Variants in GREP1 observed in about 807,000 individuals in gnomAD.
The protein encoded by GREP1 is glycine rich extracellular protein 1.
chr16:3,000,032 G>A (rs1302317959), intron 28 of GREP1, 54 bp from the exon 26 acceptor site: 3 of 398,938 alleles, frequency 7.5e-6, no homozygotes, highest in Middle Eastern at 6.2e-4. Flanking sequence ...GGGGAGGCCA[G>A]GGCTGTGGCT....
At chr16:2,988,609 T>C in exon 2 of GREP1, 1 of 399,236 alleles carries the variant, frequency 2.5e-6, no homozygotes, top group Non-Finnish European at 4.4e-6. Context: ...TTCTGCCTCC[T>C]GGCCTGGGGA....
intron 31 of GREP1, 171 bp from the exon 27 acceptor site, chr16:3,000,543 G>C (rs551866075): frequency 2.5e-6 from 1 of 398,988 alleles, no homozygotes; most frequent in Non-Finnish European, 4.4e-6. Context: ...AATGACCAGA[G>C]TCTCTTGGAG....
At chr16:2,998,719 C>G (rs976810991) in intron 25 of GREP1, 129 bp from the exon 24 acceptor site, 2 of 398,330 alleles carry the variant, frequency 5.0e-6, no homozygotes, top group African/African-American at 4.1e-5. Flanking sequence ...CTAATGTCCC[C>G]CTAAGGTGCT....
intron 31 of GREP1, chr16:3,000,500 G>A (rs749170072): frequency 5.0e-6 from 2 of 399,178 alleles, no homozygotes; most frequent in African/African-American, 2.1e-5. Flanking sequence ...GTGCAGTGGA[G>A]TGGGGGAGAC....
chr16:2,999,767 G>C (rs28460090), intron 27 of GREP1, 135 bp from the exon 25 acceptor site: 4 of 397,584 alleles, frequency 1.0e-5, no homozygotes, highest in Non-Finnish European at 1.3e-5. Context: ...CTGCTCTCCA[G>C]ATTTCTTCTG....
At chr16:2,997,924 C>A (rs922641982) in intron 23 of GREP1, 89 bp downstream of exon 21, 2 of 398,372 alleles carry the variant, frequency 5.0e-6, no homozygotes, top group Admixed American at 8.8e-5. Context: ...CCCTGTCTCC[C>A]CATGGTGCAA....
intron 22 of GREP1, 114 bp from the exon 21 acceptor site, chr16:2,997,689 G>A: frequency 2.5e-6 from 1 of 398,390 alleles, no homozygotes. Context: ...CACTGGTCAT[G>A]GACCAGGAAG....
intron 29 of GREP1, 133 bp downstream of exon 26, chr16:3,000,251 A>G: frequency 2.5e-6 from 1 of 399,344 alleles, no homozygotes; most frequent in Non-Finnish European, 4.4e-6. Flanking sequence ...TCCCTGTTCC[A>G]CTAGCCTGTC....
chr16:2,993,230 TCA>T (rs2072407701), intron 10 of GREP1: 3 of 299,274 alleles, frequency 1.0e-5, no homozygotes, highest in Non-Finnish European at 1.8e-5. Context: ...ATGGGTGGAC[TCA>T]CAGGAAGTCC....
At chr16:2,995,854 C>T in intron 17 of GREP1, 83 bp downstream of exon 17, 1 of 398,564 alleles carries the variant, frequency 2.5e-6, no homozygotes, top group Non-Finnish European at 4.4e-6. Flanking sequence ...CCTCCCTCTC[C>T]AGGATATGGG....
exon 35 of GREP1, chr16:3,001,864 G>A (rs1163255818): frequency 5.3e-6 from 2 of 379,080 alleles, no homozygotes; most frequent in Admixed American, 4.5e-5. Context: ...AAACAGACTC[G>A]ATCAACGCCT....
At chr16:2,994,377 C>T (rs1169320447) in intron 10 of GREP1, 1 of 192,856 alleles carries the variant, frequency 5.2e-6, no homozygotes, top group Non-Finnish European at 1.0e-5. Flanking sequence ...GGCGTGGTGG[C>T]GGGCACCTGT....
chr16:3,001,185 G>A (rs1460851851), intron 33 of GREP1, 96 bp from the exon 28 acceptor site: 7 of 399,126 alleles, frequency 1.8e-5, no homozygotes, highest in East Asian at 7.1e-5. Flanking sequence ...TGGGCCCTCC[G>A]GGGAGGGGGT....
chr16:2,998,816 T>C (rs908995950), intron 25 of GREP1, 32 bp from the exon 24 acceptor site: 1 of 399,016 alleles, frequency 2.5e-6, no homozygotes, highest in East Asian at 3.6e-5. Context: ...GCCTGGAGCA[T>C]AGCCCCACCC....
chr16:2,997,372 C>T, intron 21 of GREP1: 1 of 398,692 alleles, frequency 2.5e-6, no homozygotes, highest in African/African-American at 2.1e-5. Context: ...CCCCTGCTCA[C>T]CCCTCCCTCC....
exon 34 of GREP1, chr16:3,001,315 G>A: frequency 2.5e-6 from 1 of 399,202 alleles, no homozygotes; most frequent in Non-Finnish European, 4.4e-6. Context: ...GCAATGGCCA[G>A]CTGGGGAATG....
In GREP1 at chr16:2,991,207, A is replaced by G; in HGVS notation, c.322+106A>G. Reference sequence around the variant, plus strand: ...GCTGGGAGAGCTGGGCTCTGGAGGGAGGGCAGGGCTCAGCCACTCTGTCCC... The same window carrying G: ...GCTGGGAGAGCTGGGCTCTGGAGGGGGGGCAGGGCTCAGCCACTCTGTCCC... On this transcript the variant is annotated intron_variant, in intron 8 of 34. Coordinates refer to ENST00000573315, the Ensembl canonical transcript of GREP1. The surrounding 1 kb of genome is among the most constrained non-coding windows in gnomAD (Gnocchi z 4.9). 2.5e-6 allele frequency: 1 copy of G among 398,094 alleles called. No individual in the cohort carries two copies. The highest frequency in any genetic ancestry group is 4.4e-6 in the Non-Finnish European group (1 of 225,736). The allele number at this position is 398,094 out of a possible 1,614,324, so 24.7% of individuals were successfully genotyped here.
At position 2,989,638 on chromosome 16, in the gene GREP1, G is replaced by T; in HGVS notation, c.130+86G>T. On this transcript the variant is annotated intron_variant, in intron 3 of 34. Coordinates refer to ENST00000573315, the Ensembl canonical transcript of GREP1. The surrounding 1 kb of genome is among the most constrained non-coding windows in gnomAD (Gnocchi z 4.2). ...AGGACAGGAACAGGGAAAGCTGGGCGGGGGGCAGGTAAAGGGGGAAGCAGT... is the reference window on the plus strand; with the variant it reads ...AGGACAGGAACAGGGAAAGCTGGGCTGGGGGCAGGTAAAGGGGGAAGCAGT... The T allele has an allele frequency of 2.5e-6, 1 of 399,562 alleles. No homozygotes were observed. The highest frequency in any genetic ancestry group is 1.3e-4 in the South Asian group (1 of 7,822). 24.8% of individuals were successfully genotyped at this position (399,562 alleles called of 1,614,324 possible).
Position 3,000,832 on chromosome 16 carries a change from C to T in GREP1, c.1531+5C>T, listed in dbSNP as rs1179346477. The T allele has an allele frequency of 5.0e-6, 2 of 398,960 alleles. No homozygotes were observed. The highest frequency in any genetic ancestry group is 3.6e-5 in the East Asian group (1 of 28,084). The allele number at this position is 398,960 out of a possible 1,614,324, so 24.7% of individuals were successfully genotyped here. A position where few individuals can be genotyped will look rare whatever the true frequency, so the allele number is the denominator to read the frequency against. The stretch of plus-strand genomic sequence containing the variant: ...CTGAGGCCAGGAGCCAGCCAGGTAA[C>T]GGGATGCCTGGATGAGTGTGTTGGG... On this transcript the variant is annotated splice_donor_5th_base_variant and intron_variant, in intron 33 of 34. Transcript: ENST00000573315.
Sources: allele counts gnomAD v4.1 joint callset, GRCh38; gene constraint gnomAD v4.1.1; non-coding constraint Gnocchi (gnomAD v3.1); transcripts MANE v1.5; gene names NCBI Gene and HGNC (gene_info 2026-07-23, HGNC 2026-07-21).